The following ARPC3 variants were observed in gnomAD, a reference collection of about 807,000 sequenced individuals.
ARPC3 encodes the protein actin-related protein 2/3 complex subunit 3.
A neutral mutation model predicts 27.6 loss-of-function variants in ARPC3; 12 were observed. The observed-to-expected ratio is 0.43, with a 90% CI of 0.28 to 0.70. ARPC3 has a LOEUF of 0.70. Ranked by LOEUF, ARPC3 falls within the 30% of genes least tolerant of loss-of-function variation. ARPC3 has a pLI of 0.17. For synonymous variants in ARPC3, 53 were observed against 67.2 expected (o/e 0.79, Z 1.03); for missense variants, 153 against 207.7 (o/e 0.74, Z 1.62).
intron 3 of ARPC3, among the ~76,000 whole-genome samples, chr12:110,437,988 T>G (rs747788399): frequency 2.6e-5 from 4 of 152,102 alleles, no homozygotes; most frequent in Non-Finnish European, 4.4e-5. Context: ...TGGTATGGAC[T>G]TTGGGTCAAA....
intron 2 of ARPC3, among the ~76,000 whole-genome samples, chr12:110,440,942 A>AAG: frequency 1.3e-5 from 2 of 150,564 alleles, no homozygotes; most frequent in African/African-American, 4.9e-5. Context: ...TCCCGGGTTC[A>AAG]CGGCATTCTC....
rs1410563630 is a variant in ARPC3, at chr12:110,450,121, C to T, written c.6+134G>A. 5 of 1,323,384 alleles carry T rather than the reference C, an allele frequency of 3.8e-6. No individual in the cohort carries two copies. In the South Asian group the frequency reaches 5.0e-5, roughly 13 times the overall value. 82.0% of individuals were successfully genotyped at this position (1,323,384 alleles called of 1,614,324 possible). On this transcript the variant is annotated intron_variant, in intron 1 of 6. Coordinates refer to ENST00000228825, the MANE Select transcript of ARPC3 (RefSeq NM_001278556.2). ...CCAATCCTTCAGCAACCGGTCCCCT[C>T]CCCTCGCCTCCCTCCTTCTCGGGCC...
chr12:110,448,974 C>A (rs1235338271), intron 1 of ARPC3, among the ~76,000 whole-genome samples: 1 of 151,670 alleles, frequency 6.6e-6, no homozygotes, highest in African/African-American at 2.4e-5. Context: ...TGGGGTTTCA[C>A]CATGTTGGCC....
At chr12:110,438,300 TAAAA>T (rs1203578896) in intron 3 of ARPC3, among the ~76,000 whole-genome samples, 1 of 94,850 alleles carries the variant, frequency 1.1e-5, no homozygotes. Context: ...TGTCTCGAAT[TAAAA>T]AAAAAAAAAA....
At chr12:110,437,888 T>C (rs1041747290) in intron 3 of ARPC3, among the ~76,000 whole-genome samples, 1 of 152,162 alleles carries the variant, frequency 6.6e-6, no homozygotes, top group Non-Finnish European at 1.5e-5. Flanking sequence ...TATTTCACAT[T>C]TGACTTGCTC....
intron 3 of ARPC3, among the ~76,000 whole-genome samples, chr12:110,439,139 C>T (rs932494411): frequency 6.6e-6 from 1 of 151,872 alleles, no homozygotes; most frequent in Non-Finnish European, 1.5e-5. Flanking sequence ...GCATGCACTA[C>T]TACACCTGGC....
At chr12:110,440,998 A>G (rs2062433965) in intron 2 of ARPC3, among the ~76,000 whole-genome samples, 1 of 145,818 alleles carries the variant, frequency 6.9e-6, no homozygotes, top group Non-Finnish European at 1.5e-5. Context: ...ACCTGCCACC[A>G]TGCTCAGCTA....
chr12:110,448,810 ACT>A (rs1421968827), intron 1 of ARPC3, among the ~76,000 whole-genome samples: 1 of 106,662 alleles, frequency 9.4e-6, no homozygotes, highest in East Asian at 2.7e-4. Flanking sequence ...ACAGAGTCTC[ACT>A]CTGTCACTAG....
chr12:110,438,040 A>G (rs1292191854), intron 3 of ARPC3, among the ~76,000 whole-genome samples: 1 of 152,146 alleles, frequency 6.6e-6, no homozygotes, highest in Non-Finnish European at 1.5e-5. Flanking sequence ...TTATGCCTGT[A>G]ATCCCAGCAC....
intron 2 of ARPC3, among the ~76,000 whole-genome samples, chr12:110,444,330 G>A (rs2062453319): frequency 6.6e-6 from 1 of 151,096 alleles, no homozygotes; most frequent in South Asian, 2.1e-4. Flanking sequence ...TGTCACCCAG[G>A]CTGGAGTGCA....
intron 2 of ARPC3, among the ~76,000 whole-genome samples, chr12:110,443,496 A>T (rs1242154507): frequency 6.6e-6 from 1 of 151,876 alleles, no homozygotes; most frequent in African/African-American, 2.4e-5. Flanking sequence ...GCCATGGCAC[A>T]ATCTAGGCCC....
At position 110,436,566 on chromosome 12, in the gene ARPC3, G is replaced by A; in HGVS notation, c.370C>T (p.Gln124Ter). The change falls in exon 5 of 7, where the codon CAG becomes TAG. Residue 124 changes from glutamine (Q) to a stop codon, truncating the protein, a stop_gained. Transcript: ENST00000228825. LOFTEE classifies it high-confidence loss of function. ...NAIYAKPANKQEDEVMRAYLQ... is the reference protein window; with the variant it reads ...NAIYAKPANK ...AGAGACCTGTTCTTACCATCTTCCT[G>A]TTTGTTTGCAGGTTTGGCATAAATT... The A allele has an allele frequency of 6.2e-7, 1 of 1,613,730 alleles. No homozygotes were observed. The highest frequency in any genetic ancestry group is 8.5e-7 in the Non-Finnish European group (1 of 1,179,924).
At chr12:110,439,707 G>T (rs1451008602) in intron 3 of ARPC3, among the ~76,000 whole-genome samples, 1 of 152,194 alleles carries the variant, frequency 6.6e-6, no homozygotes, top group African/African-American at 2.4e-5. Flanking sequence ...GGTGGTGCAT[G>T]CCTGTAGTTC....
chr12:110,450,074 C>A (rs1317988291), intron 1 of ARPC3, among the ~76,000 whole-genome samples, 181 bp downstream of exon 1: 1 of 152,204 alleles, frequency 6.6e-6, no homozygotes, highest in Non-Finnish European at 1.5e-5. Flanking sequence ...CCGCCTCCCA[C>A]GACTGGCACC....
chr12:110,445,335 A>C lies in ARPC3; in HGVS notation c.106+117T>G. On this transcript the variant is annotated intron_variant, in intron 2 of 6. Transcript: ENST00000228825. ...GTCTAGACCACAGTATCTACCAAGC[A>C]AAGTACAAGGGCAATTTGAGAGAGA... is the stretch of plus-strand genomic sequence containing the variant. 3 of 810,532 alleles carry C rather than the reference A, an allele frequency of 3.7e-6. No homozygotes were observed. In the South Asian group the frequency reaches 4.2e-5, roughly 11 times the overall value. The allele number at this position is 810,532 out of a possible 1,614,324, so 50.2% of individuals were successfully genotyped here. A position where few individuals can be genotyped will look rare whatever the true frequency, so the allele number is the denominator to read the frequency against.
At chr12:110,450,168 G>A (rs2062493428) in intron 1 of ARPC3, 87 bp downstream of exon 1, 4 of 1,573,860 alleles carry the variant, frequency 2.5e-6, no homozygotes, top group Admixed American at 1.8e-5. Flanking sequence ...TCTGCCTTCC[G>A]CCGCCCGCTT....
At chr12:110,448,293 T>C (rs1370446767) in intron 1 of ARPC3, among the ~76,000 whole-genome samples, 2 of 152,072 alleles carry the variant, frequency 1.3e-5, no homozygotes, top group Non-Finnish European at 2.9e-5. Context: ...ACCTACTTCA[T>C]AGGGTCGTTA....
rs188846367 is a variant in ARPC3, at chr12:110,445,216, A to G, written c.106+236T>C. The G allele has an allele frequency of 1.4e-5, 7 of 506,332 alleles. No homozygotes were observed. In the Admixed American group the frequency reaches 1.6e-4, roughly 12 times the overall value. The allele number at this position is 506,332 out of a possible 1,614,324, so 31.4% of individuals were successfully genotyped here. On this transcript the variant is annotated intron_variant, in intron 2 of 6. Coordinates refer to ENST00000228825, the MANE Select transcript of ARPC3 (RefSeq NM_001278556.2). ...ATAAACAGTGTCCAGAATTAAGCACATTTCCTCCATTTTCTCAAAAGAGTT... is the reference window on the plus strand; with the variant it reads ...ATAAACAGTGTCCAGAATTAAGCACGTTTCCTCCATTTTCTCAAAAGAGTT...
intron 3 of ARPC3, 52 bp downstream of exon 3, chr12:110,440,260 G>A: frequency 8.1e-7 from 1 of 1,236,194 alleles, no homozygotes; most frequent in Non-Finnish European, 1.2e-6. Context: ...AGCAAGGTTG[G>A]TATTATCCCT....
Sources: allele counts gnomAD v4.1 joint callset (sites outside exome capture counted in the v4.1 genomes callset), GRCh38; gene constraint gnomAD v4.1.1; transcripts MANE v1.5; gene names NCBI Gene and HGNC (gene_info 2026-07-23, HGNC 2026-07-21).